The following LRP1B variants were observed in gnomAD, a reference collection of about 807,000 sequenced individuals.
The protein encoded by LRP1B is low-density lipoprotein receptor-related protein 1B.
LRP1B carries 217 observed loss-of-function variants against 556.6 expected under a neutral mutation model. That is an observed-to-expected ratio of 0.39 (90% CI 0.35 to 0.44). The LOEUF (loss-of-function observed/expected upper bound fraction) is 0.44. Ranked by LOEUF, LRP1B falls within the 20% of genes least tolerant of loss-of-function variation. The pLI is 1.00. For synonymous variants in LRP1B, 2,047 were observed against 1,865.8 expected, an observed-to-expected ratio of 1.10 and a Z score of -2.50; for missense variants, 5,053 against 5,620.8, an observed-to-expected ratio of 0.90 and a Z score of 3.23.
chr2:140,444,516 G>A (rs749970887), intron 64 of LRP1B, 47 bp downstream of exon 64: 4 of 1,611,482 alleles, frequency 2.5e-6, no homozygotes, highest in African/African-American at 1.3e-5. Context: ...GACATAATCA[G>A]TTGAAAATTA....
intron 2 of LRP1B, among the ~76,000 whole-genome samples, chr2:141,555,892 GA>G (rs1685944552): frequency 1.3e-5 from 2 of 151,852 alleles, no homozygotes; most frequent in Non-Finnish European, 2.9e-5. Flanking sequence ...CTAACGTGAG[GA>G]AAAGGGTAAG....
At position 141,234,354 on chromosome 2, in the gene LRP1B, G is replaced by A. The variant is rs183974488; in HGVS notation, c.593-4914C>T. Among the ~76,000 whole-genome samples, 23 of 151,988 alleles carry A rather than the reference G, an allele frequency of 1.5e-4. No homozygotes were observed. The East Asian group carries it at 4.5e-3, about 29-fold the overall frequency. ...ACAAAATGCATGAAATCTGTAAAAG[G>A]GCAATTATTTATTTTTTATTTTTTA... On this transcript the variant is annotated intron_variant, in intron 5 of 90. Coordinates refer to ENST00000389484, the MANE Select transcript of LRP1B (RefSeq NM_018557.3).
At chr2:140,488,625 A>C (rs1328165585) in intron 57 of LRP1B, among the ~76,000 whole-genome samples, 4 of 152,024 alleles carry the variant, frequency 2.6e-5, no homozygotes, top group Non-Finnish European at 5.9e-5. Flanking sequence ...CTTATTGTTA[A>C]AGATTATACA....
intron 2 of LRP1B, among the ~76,000 whole-genome samples, chr2:141,740,921 A>G (rs1043960993): frequency 6.6e-6 from 1 of 151,194 alleles, no homozygotes; most frequent in Non-Finnish European, 1.5e-5. Context: ...CCAACCCACT[A>G]CTCTCTCTAG....
chr2:141,598,654 G>A (rs909929300), intron 2 of LRP1B, among the ~76,000 whole-genome samples: 3 of 152,066 alleles, frequency 2.0e-5, no homozygotes, highest in African/African-American at 7.2e-5. Context: ...GCAGAAAATT[G>A]CAGAAATAAT....
Position 141,095,378 on chromosome 2 carries a change from AG to A in LRP1B, c.1014-33106del, listed in dbSNP as rs560837940. 4.2e-4 allele frequency among the ~76,000 whole-genome samples: 27 copies of A among 64,434 alleles called. 2 individuals are homozygous for A. In the South Asian group the frequency reaches 8.2e-3, roughly 20 times the overall value. The allele number at this position is 64,434 out of a possible 152,430, so 42.3% of individuals were successfully genotyped here. On this transcript the variant is annotated intron_variant, in intron 7 of 90. Coordinates refer to ENST00000389484, the MANE Select transcript of LRP1B (RefSeq NM_018557.3). ...AGAGAAACAATGTGAGTTACCAAAA[AG>A]CAAGCTTTTTGCAAAGGGTAGTAAT...
intron 53 of LRP1B, 62 bp downstream of exon 53, chr2:140,506,734 A>T (rs1332943767): frequency 1.3e-6 from 2 of 1,547,450 alleles, no homozygotes; most frequent in African/African-American, 2.8e-5. Context: ...TTTTATTTAC[A>T]TACTAGTTTT....
At position 140,232,123 on chromosome 2, in the gene LRP1B, G is replaced by A. The variant is rs1226883346; in HGVS notation, c.*1063C>T. The A allele has an allele frequency of 6.6e-6, 1 of 151,248 alleles. No individual in the cohort carries two copies. The highest frequency in any genetic ancestry group is 2.4e-5 in the African/African-American group (1 of 41,306). The allele number at this position is 151,248 out of a possible 1,614,324, so 9.4% of individuals were successfully genotyped here. ...AAGGCCCTTGAATATATTTTGGATAGGGCAAATAATGGGTTGCTCATATTA... is the reference window on the plus strand; with the variant it reads ...AAGGCCCTTGAATATATTTTGGATAAGGCAAATAATGGGTTGCTCATATTA... On this transcript the variant is annotated 3_prime_UTR_variant, in exon 91 of 91. Coordinates refer to ENST00000389484, the MANE Select transcript of LRP1B (RefSeq NM_018557.3).
chr2:141,273,850 A>G (rs1318394089), intron 3 of LRP1B, among the ~76,000 whole-genome samples: 1 of 152,248 alleles, frequency 6.6e-6, no homozygotes, highest in Non-Finnish European at 1.5e-5. Flanking sequence ...TTCAGAATAT[A>G]CAAATAACTC....
At chr2:140,744,000 T>TAAAAAAAAAAAAAAAAAAAAA (rs1559090792) in intron 35 of LRP1B, among the ~76,000 whole-genome samples, 1 of 46,144 alleles carries the variant, frequency 2.2e-5, no homozygotes. Context: ...AAGTAAAAAG[T>TAAAAAAAAAAAAAAAAAAAAA]AAAATCCATA....
rs78483194 is a variant in LRP1B at position 141,114,826 on chromosome 2, G to A, written c.1014-52553C>T. On this transcript the variant is annotated intron_variant, in intron 7 of 90. Coordinates refer to ENST00000389484, the MANE Select transcript of LRP1B (RefSeq NM_018557.3). ...AATTCGTAATTAAGTGTGTGGGTGC[G>A]TCCATATGTGCACATACACACATAC... 6.3e-3 allele frequency among the ~76,000 whole-genome samples: 958 copies of A among 151,762 alleles called. 10 individuals carry two copies. The highest frequency in any genetic ancestry group is 0.02 in the African/African-American group (811 of 41,338).
intron 18 of LRP1B, among the ~76,000 whole-genome samples, chr2:140,957,329 T>C (rs1241154143): frequency 6.6e-6 from 1 of 151,550 alleles, no homozygotes; most frequent in East Asian, 1.9e-4. Flanking sequence ...TGAGGGTATA[T>C]ACAATGTTTG....
intron 1 of LRP1B, among the ~76,000 whole-genome samples, chr2:142,100,506 T>C (rs1706534906): frequency 6.6e-6 from 1 of 151,960 alleles, no homozygotes; most frequent in Admixed American, 6.6e-5. Context: ...TTTCATTTCT[T>C]TGGGAAGTGG....
At chr2:141,463,792 T>C (rs1253840219) in intron 3 of LRP1B, among the ~76,000 whole-genome samples, 1 of 146,170 alleles carries the variant, frequency 6.8e-6, no homozygotes. Flanking sequence ...ATTTATCCTA[T>C]ATTTAAACTA....
intron 1 of LRP1B, among the ~76,000 whole-genome samples, chr2:141,968,751 GC>G (rs1701636384): frequency 6.6e-6 from 1 of 151,586 alleles, no homozygotes; most frequent in Non-Finnish European, 1.5e-5. Context: ...CTATACATGT[GC>G]CCCCTTGCTC....
At chr2:140,740,496 G>T (rs1041273437) in intron 35 of LRP1B, among the ~76,000 whole-genome samples, 4 of 152,124 alleles carry the variant, frequency 2.6e-5, no homozygotes, top group African/African-American at 7.2e-5. Context: ...CATGGACTTT[G>T]AGGACTTCGG....
At chr2:141,261,956 C>T (rs1340068804) in intron 3 of LRP1B, among the ~76,000 whole-genome samples, 2 of 151,940 alleles carry the variant, frequency 1.3e-5, no homozygotes, top group Admixed American at 6.6e-5. Context: ...AATAAATTAC[C>T]AAACTATTTT....
At chr2:141,032,945 C>T (rs1238784751) in intron 11 of LRP1B, among the ~76,000 whole-genome samples, 2 of 151,688 alleles carry the variant, frequency 1.3e-5, no homozygotes, top group Non-Finnish European at 2.9e-5. Flanking sequence ...CAGGCATGCA[C>T]ATCCCCTACA....
intron 66 of LRP1B, among the ~76,000 whole-genome samples, chr2:140,408,748 G>A (rs745403002): frequency 5.3e-5 from 8 of 151,874 alleles, no homozygotes; most frequent in Non-Finnish European, 1.2e-4. Flanking sequence ...CCCTAAAGCT[G>A]CAACATGTCT....
Sources: allele counts gnomAD v4.1 joint callset (sites outside exome capture counted in the v4.1 genomes callset), GRCh38; gene constraint gnomAD v4.1.1; transcripts MANE v1.5; gene names NCBI Gene and HGNC (gene_info 2026-07-23, HGNC 2026-07-21).